FAN1: variants seen among roughly 807,000 people sequenced by gnomAD.
FAN1 encodes fanconi-associated nuclease 1.
In FAN1, 91 loss-of-function variants were observed where a neutral mutation model predicts 104.9. The observed-to-expected ratio is 0.87, with a 90% confidence interval of 0.73 to 1.03. The LOEUF is 1.03. Among genes scored for constraint, FAN1 ranks in the 50% least tolerant of loss-of-function variants. FAN1 has a pLI of 0.00. For missense variants in FAN1, 1,263 were observed against 1,239.9 expected (o/e 1.02, Z -0.28); for synonymous variants, 478 against 457.6 (o/e 1.04, Z -0.57).
In FAN1 at chr15:30,920,564, C is replaced by T. The variant is rs1422335117; in HGVS notation, c.1963C>T (p.Leu655Phe). The change falls in exon 7 of 15, where the codon CTC (leucine) becomes TTC (phenylalanine). Residue 655 changes from leucine to phenylalanine, a missense_variant. Physicochemically the swap from Leu to Phe is conservative, Grantham distance 22. Around this residue, in one of 2 missense-constraint regions of FAN1, gnomAD observed 581 missense variants for 668.8 expected, o/e 0.87. Transcript: ENST00000362065. ...TTTTAGATGCCACGAAGATTTACCA[C>T]TCTTCCTGCGGTGTTTCACTGTTGG... ...PSLRCHEDLP[L>F]FLRCFTVGWI... 1.2e-6 allele frequency: 2 copies of T among 1,610,794 alleles called. No homozygotes were observed. The highest frequency in any genetic ancestry group is 1.7e-5 in the Admixed American group (1 of 59,600).
intron 6 of FAN1, among the ~76,000 whole-genome samples, chr15:30,919,532 A>T (rs2062271411): frequency 6.6e-6 from 1 of 151,778 alleles, no homozygotes; most frequent in Non-Finnish European, 1.5e-5. Flanking sequence ...CTCTACTAAA[A>T]ATACAAAAAT....
rs148908472 is a variant in FAN1, at chr15:30,925,854, C to T, written c.2403C>T (p.Ala801=). The T allele has an allele frequency of 3.7e-4, 603 of 1,614,182 alleles. 3 individuals are homozygous for T. In the East Asian group the frequency reaches 0.01, roughly 28 times the overall value. ...GMCKSVFVME[A]GEAADPTTVL... ...GCAAGTCTGTGTTTGTGATGGAGGCCGGGGAGGCCGCTGACCCCACCACGG... is the reference window on the plus strand; with the variant it reads ...GCAAGTCTGTGTTTGTGATGGAGGCTGGGGAGGCCGCTGACCCCACCACGG... The change falls in exon 10 of 15, where the codon GCC becomes GCT. Residue 801 remains alanine, a synonymous_variant. Coordinates refer to ENST00000362065, the MANE Select transcript of FAN1 (RefSeq NM_014967.5).
At chr15:30,929,988 GAT>G (rs948688144) in intron 12 of FAN1, among the ~76,000 whole-genome samples, 2 of 114,700 alleles carry the variant, frequency 1.7e-5, no homozygotes, top group South Asian at 2.5e-4. Context: ...TAATATATAA[GAT>G]ATCATATATA....
At chr15:30,928,919 G>A in intron 11 of FAN1, 2 of 474,088 alleles carry the variant, frequency 4.2e-6, no homozygotes, top group Non-Finnish European at 5.5e-6. Flanking sequence ...CAGCCCTCCC[G>A]AGCACCTGCC....
rs1350803622 is a variant in FAN1 at position 30,911,420 on chromosome 15, C to T, written c.1577+605C>T. The T allele has an allele frequency of 3.1e-6, 3 of 983,450 alleles. No individual in the cohort carries two copies. The African/African-American group carries it at 5.2e-5, about 17-fold the overall frequency. The allele number at this position is 983,450 out of a possible 1,614,324, so 60.9% of individuals were successfully genotyped here. On this transcript the variant is annotated intron_variant, in intron 4 of 14. Coordinates refer to ENST00000362065, the MANE Select transcript of FAN1 (RefSeq NM_014967.5). ...GAGGATGCTTTTGAAAACACTTTAA[C>T]ATGATGTTGTTATTTATTTTATATA... is the stretch of plus-strand genomic sequence containing the variant.
chr15:30,925,415 C>T (rs531245632), intron 9 of FAN1, 124 bp downstream of exon 9: 26 of 935,134 alleles, frequency 2.8e-5, no homozygotes, highest in Admixed American at 1.1e-4. Context: ...ATCTAAAACT[C>T]GTTTTGGACG....
chr15:30,939,213 G>A (rs2062955839), intron 14 of FAN1: 2 of 985,244 alleles, frequency 2.0e-6, no homozygotes, highest in South Asian at 9.4e-5. Flanking sequence ...AGCTATTTTT[G>A]GTTTCAAAAT....
intron 12 of FAN1, among the ~76,000 whole-genome samples, chr15:30,929,839 T>C (rs1383008515): frequency 1.6e-5 from 1 of 62,076 alleles, no homozygotes; most frequent in African/African-American, 8.7e-5. Context: ...TATAATATAA[T>C]ATATAAAATA....
chr15:30,922,383 A>G (rs1712432750), intron 8 of FAN1, 29 bp downstream of exon 8: 18 of 1,572,682 alleles, frequency 1.1e-5, no homozygotes, highest in Non-Finnish European at 1.5e-5. Flanking sequence ...TATCTGAAAC[A>G]CCTTTTCATT....
Position 30,918,087 on chromosome 15 carries a change from A to C in FAN1, c.1812-77A>C, listed in dbSNP as rs544505108. The C allele has an allele frequency of 2.1e-5, 29 of 1,413,386 alleles. No homozygotes were observed. In the East Asian group the frequency reaches 6.7e-4, roughly 32 times the overall value. The allele number at this position is 1,413,386 out of a possible 1,614,324, so 87.6% of individuals were successfully genotyped here. ...AAACACACTTTTACCTTTCAGAGTGAGATCTAGTGGCTAGGATGTGGTCAT... is the reference window on the plus strand; with the variant it reads ...AAACACACTTTTACCTTTCAGAGTGCGATCTAGTGGCTAGGATGTGGTCAT... On this transcript the variant is annotated intron_variant, in intron 5 of 14. Coordinates refer to ENST00000362065, the MANE Select transcript of FAN1 (RefSeq NM_014967.5).
rs2063032976 is a variant in FAN1 at position 30,941,124 on chromosome 15, T to C, written c.*4-442T>C. 5.5e-6 allele frequency: 7 copies of C among 1,264,656 alleles called. No individual in the cohort carries two copies. In the South Asian group the frequency reaches 9.2e-5, roughly 17 times the overall value. 78.3% of individuals were successfully genotyped at this position (1,264,656 alleles called of 1,614,324 possible). A position where few individuals can be genotyped will look rare whatever the true frequency, so the allele number is the denominator to read the frequency against. ...AAACACAAATTTCCTAACTTTCCTG[T>C]TGTCTGCTGCCTGGGGCTGCTAATG... On this transcript the variant is annotated intron_variant, in intron 14 of 14. Transcript: ENST00000362065.
chr15:30,933,733 A>G (rs1256544206), intron 13 of FAN1, among the ~76,000 whole-genome samples: 2 of 121,858 alleles, frequency 1.6e-5, no homozygotes, highest in Non-Finnish European at 3.6e-5. Flanking sequence ...ATCTCTGATT[A>G]TAATTGTGGT....
At chr15:30,914,572 G>A (rs936827572) in intron 5 of FAN1, among the ~76,000 whole-genome samples, 1 of 152,108 alleles carries the variant, frequency 6.6e-6, no homozygotes, top group African/African-American at 2.4e-5. Context: ...TCACCATGTT[G>A]CCCAGGCTGG....
chr15:30,930,648 A>T lies in FAN1; in HGVS notation c.2893A>T (p.Asn965Tyr). 1 of 1,612,868 alleles carries T rather than the reference A, an allele frequency of 6.2e-7. No homozygotes were observed. Among genetic ancestry groups the T allele is most frequent in the African/African-American group, 1.3e-5 (1 of 74,992 alleles). ...GGGCCTCCCCGACCTGGTGGTGTGG[A>T]ACTCCCAGAGCCGTCACTTTAAGGT... ...RGGLPDLVVWNSQSRHFKLVE... is the reference protein window; with the variant it reads ...RGGLPDLVVWYSQSRHFKLVE... The change falls in exon 13 of 15, where the codon AAC becomes TAC. Residue 965 changes from asparagine (N) to tyrosine (Y), a missense_variant. Transcript: ENST00000362065.
intron 14 of FAN1, among the ~76,000 whole-genome samples, chr15:30,938,408 T>C (rs34017474): frequency 0.34 from 52,151 of 151,950 alleles, 9,324 homozygotes; most frequent in Non-Finnish European, 0.39. Context: ...ATGTAAATGC[T>C]TGTTCTACTG....
chr15:30,904,761 GT>G lies in FAN1; in HGVS notation c.102del (p.Phe34LeufsTer23). ...KKKASNSIIS[C>X]FNNAPPAKLA... is the part of the protein sequence containing the mutation. ...AAAGCATCTAATTCTATTATTTCGTGTTTTAACAATGCACCACCTGCTAAAC... is the reference window on the plus strand; with the variant it reads ...AAAGCATCTAATTCTATTATTTCGTGTTTAACAATGCACCACCTGCTAAAC... On this transcript the variant is annotated frameshift_variant, in exon 2 of 15. Coordinates refer to ENST00000362065, the MANE Select transcript of FAN1 (RefSeq NM_014967.5). LOFTEE classifies it high-confidence loss of function. The G allele has an allele frequency of 6.2e-7, 1 of 1,613,368 alleles. No individual in the cohort carries two copies. Among genetic ancestry groups the G allele is most frequent in the Non-Finnish European group, 8.5e-7 (1 of 1,179,392 alleles).
chr15:30,938,756 T>G (rs1287677122), intron 14 of FAN1, among the ~76,000 whole-genome samples: 1 of 152,182 alleles, frequency 6.6e-6, no homozygotes, highest in East Asian at 1.9e-4. Context: ...TCTATCAATA[T>G]CCACATGGCT....
Position 30,907,390 on chromosome 15 carries a change from C to T in FAN1, c.1235-728C>T, listed in dbSNP as rs1023853738. On this transcript the variant is annotated intron_variant, in intron 2 of 14. Transcript: ENST00000362065. ...AAAATTAGCCGGGCATGGTGGTGGG[C>T]GCCTGTAATCCCAGCTGCTCTGGAG... 4.0e-5 allele frequency among the ~76,000 whole-genome samples: 6 copies of T among 151,876 alleles called. No individual in the cohort carries two copies. The South Asian group carries it at 6.3e-4, about 16-fold the overall frequency.
chr15:30,931,208 A>T (rs139038025), intron 13 of FAN1, among the ~76,000 whole-genome samples: 1,821 of 152,204 alleles, frequency 0.012, 30 homozygotes, highest in African/African-American at 0.04. Flanking sequence ...CCCACAAAAA[A>T]TTTTTTAAAA....
Sources: allele counts gnomAD v4.1 joint callset (sites outside exome capture counted in the v4.1 genomes callset), GRCh38; gene constraint gnomAD v4.1.1; regional missense constraint gnomAD v4.1.1; transcripts MANE v1.5; gene names NCBI Gene and HGNC (gene_info 2026-07-23, HGNC 2026-07-21).